Variants in TIMP3 observed in about 807,000 individuals in gnomAD.
TIMP3 encodes the protein TIMP metallopeptidase inhibitor 3, also known as metalloproteinase inhibitor 3.
In TIMP3, 11 loss-of-function variants were observed where a neutral mutation model predicts 30.0. That is an observed-to-expected ratio of 0.37 (90% CI 0.23 to 0.61). TIMP3 has a LOEUF of 0.61. Among genes scored for constraint, TIMP3 ranks in the 20% least tolerant of loss-of-function variants. TIMP3 has a pLI of 0.70. For synonymous variants in TIMP3, 112 were observed against 111.3 expected, an observed-to-expected ratio of 1.01 and a Z score of -0.04; for missense variants, 181 against 276.8, an observed-to-expected ratio of 0.65 and a Z score of 2.45.
intron 2 of TIMP3, 148 bp from the exon 3 acceptor site, chr22:32,857,101 A>C: frequency 1.4e-6 from 1 of 712,012 alleles, no homozygotes; most frequent in Non-Finnish European, 2.6e-6. Flanking sequence ...GGCTATTGTG[A>C]ATATTGCTGC....
At chr22:32,821,718 G>A (rs2047251775) in intron 1 of TIMP3, among the ~76,000 whole-genome samples, 1 of 152,186 alleles carries the variant, frequency 6.6e-6, no homozygotes, top group South Asian at 2.1e-4. Context: ...GTGGATTCCT[G>A]AACCAGGTAT....
At chr22:32,826,693 A>G (rs573120805) in intron 1 of TIMP3, among the ~76,000 whole-genome samples, 1 of 152,264 alleles carries the variant, frequency 6.6e-6, no homozygotes, top group East Asian at 1.9e-4. Flanking sequence ...TAGTTAGCCT[A>G]TTTGAGCTGG....
intron 1 of TIMP3, among the ~76,000 whole-genome samples, chr22:32,818,562 G>A (rs2047148439): frequency 6.6e-6 from 1 of 152,154 alleles, no homozygotes; most frequent in Non-Finnish European, 1.5e-5. Context: ...ATTTAAAGGA[G>A]GAAAGGAAAC....
intron 1 of TIMP3, among the ~76,000 whole-genome samples, chr22:32,823,011 C>T (rs2047297874): frequency 1.3e-5 from 2 of 152,072 alleles, no homozygotes; most frequent in Admixed American, 1.3e-4. Context: ...TAAATATCAA[C>T]ACTAGTTACT....
At chr22:32,844,988 C>G (rs906847766) in intron 1 of TIMP3, among the ~76,000 whole-genome samples, 1 of 152,168 alleles carries the variant, frequency 6.6e-6, no homozygotes, top group Admixed American at 6.5e-5. Context: ...CTTGGCCTCC[C>G]AAAGTGATGA....
chr22:32,802,249 A>T, intron 1 of TIMP3, 127 bp downstream of exon 1: 1 of 1,380,558 alleles, frequency 7.2e-7, no homozygotes, highest in Non-Finnish European at 9.6e-7. Flanking sequence ...GTTGGGGCGG[A>T]GTGGAGAAAC....
intron 4 of TIMP3, 95 bp downstream of exon 4, chr22:32,858,233 T>C: frequency 6.4e-7 from 1 of 1,560,730 alleles, no homozygotes; most frequent in South Asian, 1.2e-5. Context: ...GGCCCTCGGC[T>C]GGGAAGGGTA....
chr22:32,842,049 G>A (rs150590246), intron 1 of TIMP3, among the ~76,000 whole-genome samples: 79 of 152,238 alleles, frequency 5.2e-4, no homozygotes, highest in African/African-American at 1.8e-3. Context: ...GAGAGGTTAG[G>A]GGGGAGGCTG....
At chr22:32,826,949 G>A (rs1004659163) in intron 1 of TIMP3, among the ~76,000 whole-genome samples, 2 of 152,168 alleles carry the variant, frequency 1.3e-5, no homozygotes, top group African/African-American at 4.8e-5. Flanking sequence ...TTGAATCCAA[G>A]CCTCCAGCTC....
rs1403362319 is a variant in TIMP3, at chr22:32,814,320, A to AAAGAAAGAAAGAAAGAAAGAAAGG, written c.121+12218_121+12219insAAGGAAGAAAGAAAGAAAGAAAGA. Among the ~76,000 whole-genome samples the AAAGAAAGAAAGAAAGAAAGAAAGG allele has an allele frequency of 7.2e-3, 1,041 of 144,790 alleles. 27 individuals carry two copies. Among genetic ancestry groups the AAAGAAAGAAAGAAAGAAAGAAAGG allele is most frequent in the African/African-American group, 0.025 (951 of 37,328 alleles). The allele number at this position is 144,790 out of a possible 152,430, so 95.0% of individuals were successfully genotyped here. On this transcript the variant is annotated intron_variant, in intron 1 of 4. Transcript: ENST00000266085. The stretch of plus-strand genomic sequence containing the variant: ...AGGAAGGAGAGAGAGAGAGAGACAG[A>AAAGAAAGAAAGAAAGAAAGAAAGG]AAGAAAGAAAGAAAGAAAGAGAAAG...
rs577378979 is a variant in TIMP3 at position 32,811,773 on chromosome 22, C to T, written c.121+9651C>T. On this transcript the variant is annotated intron_variant, in intron 1 of 4. Coordinates refer to ENST00000266085, the MANE Select transcript of TIMP3 (RefSeq NM_000362.5). ...CTGTGGCTTAGCCATATAGCCAATA[C>T]ATGGAATGGGATTGGAACCCATGTC... Among the ~76,000 whole-genome samples the T allele has an allele frequency of 5.7e-3, 871 of 152,258 alleles. 11 individuals carry two copies. The highest frequency in any genetic ancestry group is 0.018 in the African/African-American group (754 of 41,546).
chr22:32,823,375 G>C (rs567256165), intron 1 of TIMP3, among the ~76,000 whole-genome samples: 1 of 152,260 alleles, frequency 6.6e-6, no homozygotes, highest in Non-Finnish European at 1.5e-5. Flanking sequence ...AGCTGTGAGT[G>C]GGGTGGATGT....
At chr22:32,829,572 C>T (rs1363088526) in intron 1 of TIMP3, among the ~76,000 whole-genome samples, 3 of 152,248 alleles carry the variant, frequency 2.0e-5, no homozygotes, top group Admixed American at 6.5e-5. Context: ...AAAAACGGCC[C>T]GGATTTTCAT....
At chr22:32,819,706 G>A (rs904544325) in intron 1 of TIMP3, among the ~76,000 whole-genome samples, 4 of 152,136 alleles carry the variant, frequency 2.6e-5, no homozygotes, top group Non-Finnish European at 4.4e-5. Context: ...TAGGGGCCGC[G>A]TCTCCCAGCA....
chr22:32,823,501 G>C (rs1249037211), intron 1 of TIMP3, among the ~76,000 whole-genome samples: 1 of 152,214 alleles, frequency 6.6e-6, no homozygotes, highest in Non-Finnish European at 1.5e-5. Flanking sequence ...AAAGCAGCCA[G>C]GGTCCAGTGG....
Position 32,846,558 on chromosome 22 carries a change from T to G in TIMP3, c.122-2894T>G, listed in dbSNP as rs375279997. Among the ~76,000 whole-genome samples, 3 of 152,226 alleles carry G rather than the reference T, an allele frequency of 2.0e-5. No homozygotes were observed. The East Asian group carries it at 5.8e-4, about 29-fold the overall frequency. On this transcript the variant is annotated intron_variant, in intron 1 of 4. Coordinates refer to ENST00000266085, the MANE Select transcript of TIMP3 (RefSeq NM_000362.5). ...TAATACGACCCTCACAGCAACTTTA[T>G]GAGGCATTGTTTCATCATTCCCATC...
intron 1 of TIMP3, among the ~76,000 whole-genome samples, chr22:32,825,024 T>C (rs1293641626): frequency 6.6e-6 from 1 of 152,194 alleles, no homozygotes; most frequent in African/African-American, 2.4e-5. Context: ...ACCCTGGAAC[T>C]TTGAAATCGC....
rs118098281 is a variant in TIMP3 at position 32,833,532 on chromosome 22, A to C, written c.122-15920A>C. 1.9e-3 allele frequency among the ~76,000 whole-genome samples: 293 copies of C among 152,238 alleles called. 2 individuals carry two copies. The East Asian group carries it at 0.029, about 15-fold the overall frequency. On this transcript the variant is annotated intron_variant, in intron 1 of 4. Transcript: ENST00000266085. Reference sequence around the variant, plus strand: ...TGGGACTGTAGAAGAAATTCAAAGGAGCTTACACTGAGTGACCCTGAAGGT... The same window carrying C: ...TGGGACTGTAGAAGAAATTCAAAGGCGCTTACACTGAGTGACCCTGAAGGT...
At chr22:32,817,760 T>C (rs967233961) in intron 1 of TIMP3, among the ~76,000 whole-genome samples, 1 of 152,200 alleles carries the variant, frequency 6.6e-6, no homozygotes, top group Non-Finnish European at 1.5e-5. Flanking sequence ...AAGGACATGA[T>C]TGAAGGACAT....
Sources: allele counts gnomAD v4.1 joint callset (sites outside exome capture counted in the v4.1 genomes callset), GRCh38; gene constraint gnomAD v4.1.1; transcripts MANE v1.5; gene names NCBI Gene and HGNC (gene_info 2026-07-23, HGNC 2026-07-21).